Variants in TCIRG1 observed in about 807,000 individuals in gnomAD.
The protein encoded by TCIRG1 is T cell immune regulator 1, ATPase H+ transporting V0 subunit a3.
TCIRG1 carries 86 observed loss-of-function variants against 95.5 expected under a neutral mutation model. The observed-to-expected ratio is 0.90, with a 90% CI of 0.76 to 1.08. The LOEUF is 1.08. TCIRG1 is among the 50% of genes least tolerant of loss of function. TCIRG1 has a pLI of 0.00. For missense variants in TCIRG1, 1,069 were observed against 1,140.2 expected (o/e 0.94, Z 0.90); for synonymous variants, 499 against 501.3 (o/e 1.00, Z 0.06).
chr11:68,040,736 C>T lies in TCIRG1; in HGVS notation c.-4-532C>T, dbSNP rs1411652366. Among the ~76,000 whole-genome samples, 6 of 152,240 alleles carry T rather than the reference C, an allele frequency of 3.9e-5. No individual in the cohort carries two copies. In the East Asian group the frequency reaches 9.6e-4, roughly 24 times the overall value. On this transcript the variant is annotated intron_variant, in intron 1 of 19. Coordinates refer to ENST00000265686, the MANE Select transcript of TCIRG1 (RefSeq NM_006019.4). ...ACACCTGGAAGGCTGCGGCTGCTGC[C>T]GGGCGGCCCGGGCCTCAGGGGACAG...
chr11:68,049,577 C>T (rs1425036393), intron 15 of TCIRG1, 86 bp from the exon 16 acceptor site: 3 of 1,537,954 alleles, frequency 2.0e-6, no homozygotes, highest in Admixed American at 3.8e-5. Context: ...ACCGCAGGCT[C>T]TCTGGGCCCC....
Position 68,050,814 on chromosome 11 carries a change from G to A in TCIRG1, c.2488G>A (p.Asp830Asn). 1.2e-6 allele frequency: 2 copies of A among 1,613,284 alleles called. No homozygotes were observed. Among genetic ancestry groups the A allele is most frequent in the Non-Finnish European group, 1.7e-6 (2 of 1,180,016 alleles). The change falls in exon 20 of 20, where the codon GAC becomes AAC. Residue 830 changes from aspartate (D) to asparagine (N), a missense_variant. Physicochemically the swap from Asp to Asn is conservative, Grantham distance 23. Coordinates refer to ENST00000265686, the MANE Select transcript of TCIRG1 (RefSeq NM_006019.4). ...LSPFTFAATD[D>N] ...TCCCTTCACCTTCGCTGCCACAGAT[G>A]ACTAGGGCCCACTGCAGGTCCTGCC...
rs572050518 is a variant in TCIRG1, at chr11:68,041,630, G to C, written c.118-123G>C. ...TCTGATCTGCGTCTTGTGGCTCCCA[G>C]GGCACTCCACACCTTTCTGGAGGAG... On this transcript the variant is annotated intron_variant, in intron 2 of 19. Coordinates refer to ENST00000265686, the MANE Select transcript of TCIRG1 (RefSeq NM_006019.4). The C allele has an allele frequency of 3.6e-4, 303 of 845,680 alleles. No homozygotes were observed. The African/African-American group carries it at 4.4e-3, about 12-fold the overall frequency. 52.4% of individuals were successfully genotyped at this position (845,680 alleles called of 1,614,324 possible). A position where few individuals can be genotyped will look rare whatever the true frequency, so the allele number is the denominator to read the frequency against.
intron 3 of TCIRG1, among the ~76,000 whole-genome samples, chr11:68,042,365 G>T (rs1855210765): frequency 1.3e-5 from 2 of 152,222 alleles, no homozygotes; most frequent in Non-Finnish European, 2.9e-5. Flanking sequence ...ACTCACGCCA[G>T]CTCCGGTCCC....
downstream of TCIRG1, among the ~76,000 whole-genome samples, chr11:68,051,611 C>G (rs1169765947): frequency 2.0e-5 from 3 of 152,352 alleles, no homozygotes; most frequent in Non-Finnish European, 2.9e-5. Flanking sequence ...TGGGAGGAGC[C>G]TGTCCATTGG....
chr11:68,050,627 G>C lies in TCIRG1; in HGVS notation c.2377G>C (p.Gly793Arg). 1 of 1,613,348 alleles carries C rather than the reference G, an allele frequency of 6.2e-7. No homozygotes were observed. The highest frequency in any genetic ancestry group is 8.5e-7 in the Non-Finnish European group (1 of 1,180,028). The change falls in exon 19 of 20, where the codon GGA (glycine) becomes CGA (arginine). Residue 793 changes from glycine (G) to arginine (R), a missense_variant. Physicochemically the swap from Gly to Arg is moderately radical, Grantham distance 125. Transcript: ENST00000265686. The part of the protein sequence containing the change: ...MTVAILLVME[G>R]LSAFLHALRL... ...CGTGGCTATCCTGCTGGTGATGGAG[G>C]GACTCTCAGCCTTCCTGCACGCCCT...
rs866791308 is a variant in TCIRG1, at chr11:68,039,031, G to C, written c.-93G>C. 2 of 152,134 alleles carry C rather than the reference G, an allele frequency of 1.3e-5. No individual in the cohort carries two copies. The highest frequency in any genetic ancestry group is 2.4e-5 in the African/African-American group (1 of 41,434). 9.4% of individuals were successfully genotyped at this position (152,134 alleles called of 1,614,324 possible). A position where few individuals can be genotyped will look rare whatever the true frequency, so the allele number is the denominator to read the frequency against. ...AAAGGAGTGAGCGGCGCCTAGTCCC[G>C]GGCTGGCGGGAGTGCAGTTCTGAGT... On this transcript the variant is annotated 5_prime_UTR_variant, in exon 1 of 20. Transcript: ENST00000265686.
downstream of TCIRG1, chr11:68,050,973 C>T (rs938480338): frequency 2.5e-5 from 21 of 856,400 alleles, no homozygotes; most frequent in Admixed American, 3.7e-4. Flanking sequence ...GATCTGGGAC[C>T]TCAAAAGTCA....
In TCIRG1 at chr11:68,049,476, A is replaced by T. The variant is rs929992112; in HGVS notation, c.1887+182A>T. 1.7e-5 allele frequency: 17 copies of T among 996,244 alleles called. No individual in the cohort carries two copies. The East Asian group carries it at 4.5e-4, about 26-fold the overall frequency. 61.7% of individuals were successfully genotyped at this position (996,244 alleles called of 1,614,324 possible). A position where few individuals can be genotyped will look rare whatever the true frequency, so the allele number is the denominator to read the frequency against. On this transcript the variant is annotated intron_variant, in intron 15 of 19. Coordinates refer to ENST00000265686, the MANE Select transcript of TCIRG1 (RefSeq NM_006019.4). ...GCAGGTGGCACAACTGGCACTGGGA[A>T]CCGGGGGTCCCTTCCCTCAGGAGTC...
Position 68,042,861 on chromosome 11 carries a change from C to T in TCIRG1, c.415C>T (p.Gln139Ter). ...AAVLRQGHEP[Q>*]LAAAHTDGAS... is the part of the protein sequence containing the mutation. ...CGTGCTACGCCAGGGCCATGAACCT[C>T]AGGTCAGCTCCCACCCAGGCAGGAG... Residue 139 changes from glutamine (Q) to a stop codon, truncating the protein, a stop_gained and splice_region_variant, in exon 4 of 20, where the codon CAG becomes TAG. Coordinates refer to ENST00000265686, the MANE Select transcript of TCIRG1 (RefSeq NM_006019.4). LOFTEE classifies it high-confidence loss of function. 6.5e-7 allele frequency: 1 copy of T among 1,549,676 alleles called. No homozygotes were observed.
intron 15 of TCIRG1, 154 bp downstream of exon 15, chr11:68,049,448 T>C: frequency 5.0e-6 from 5 of 1,002,276 alleles, no homozygotes; most frequent in Non-Finnish European, 7.3e-6. Context: ...GTGTGCATCT[T>C]TAGCAGGTGG....
chr11:68,041,594 CT>C (rs1242255612), intron 2 of TCIRG1, among the ~76,000 whole-genome samples, 158 bp from the exon 3 acceptor site: 5 of 152,180 alleles, frequency 3.3e-5, no homozygotes, highest in Non-Finnish European at 7.4e-5. Context: ...GGCATGGGGT[CT>C]GGTCTGTGCT....
At chr11:68,041,446 G>T in intron 2 of TCIRG1, 58 bp downstream of exon 2, 1 of 1,269,960 alleles carries the variant, frequency 7.9e-7, no homozygotes, top group South Asian at 1.2e-5. Flanking sequence ...CCCGGAGGCC[G>T]GTCCAGGATG....
rs1317790060 is a variant in TCIRG1, at chr11:68,042,809, G to A, written c.363G>A (p.Gln121=). The A allele has an allele frequency of 1.9e-6, 3 of 1,548,564 alleles. No homozygotes were observed. In the Admixed American group the frequency reaches 5.9e-5, roughly 30 times the overall value. ...VRGNQQALRA[Q]LHQLQLHAAV... is the part of the protein sequence containing the mutation. ...GCAACCAGCAGGCCCTGCGGGCCCAGCTGCACCAGCTGCAGCTCCACGCCG... is the reference window on the plus strand; with the variant it reads ...GCAACCAGCAGGCCCTGCGGGCCCAACTGCACCAGCTGCAGCTCCACGCCG... Residue 121 remains glutamine, a synonymous_variant, in exon 4 of 20, where the codon CAG becomes CAA. Coordinates refer to ENST00000265686, the MANE Select transcript of TCIRG1 (RefSeq NM_006019.4).
Position 68,049,682 on chromosome 11 carries a change from T to A in TCIRG1, c.1907T>A (p.Leu636Gln). The A allele has an allele frequency of 6.2e-7, 1 of 1,600,918 alleles. No individual in the cohort carries two copies. The highest frequency in any genetic ancestry group is 8.5e-7 in the Non-Finnish European group (1 of 1,178,834). The change falls in exon 16 of 20, where the codon CTG becomes CAG. Residue 636 changes from leucine (L) to glutamine (Q), a missense_variant. Coordinates refer to ENST00000265686, the MANE Select transcript of TCIRG1 (RefSeq NM_006019.4). ...YPRQEVVQAT[L>Q]VVLALAMVPI... ...TGGCAGGAGGTGGTCCAGGCCACGC[T>A]GGTGGTCCTGGCCTTGGCCATGGTG...
chr11:68,050,214 C>T lies in TCIRG1; in HGVS notation c.2196C>T (p.Ala732=), dbSNP rs1855730348. 2 of 1,613,484 alleles carry T rather than the reference C, an allele frequency of 1.2e-6. No individual in the cohort carries two copies. The highest frequency in any genetic ancestry group is 1.7e-6 in the Non-Finnish European group (2 of 1,179,938). ...GCCTGGGCTGCGTCTCCAACACCGC[C>T]TCCTACCTGCGCCTGTGGGCCCTGA... ...EFCLGCVSNT[A]SYLRLWALSL... is the part of the protein sequence containing the mutation. Residue 732 remains alanine, a synonymous_variant, in exon 18 of 20, where the codon GCC becomes GCT. Coordinates refer to ENST00000265686, the MANE Select transcript of TCIRG1 (RefSeq NM_006019.4).
Position 68,047,763 on chromosome 11 carries a change from G to T in TCIRG1, c.1422G>T (p.Ser474=), listed in dbSNP as rs374365698. The T allele has an allele frequency of 5.6e-6, 9 of 1,613,106 alleles. No individual in the cohort carries two copies. The African/African-American group carries it at 6.7e-5, about 12-fold the overall frequency. ...CFSRATSIFP[S]GWSVAAMANQ... ...GTCGCGCCACCAGCATCTTCCCCTCGGGCTGGAGTGTGGCCGCCATGGCCA... is the reference window on the plus strand; with the variant it reads ...GTCGCGCCACCAGCATCTTCCCCTCTGGCTGGAGTGTGGCCGCCATGGCCA... Residue 474 remains serine, a synonymous_variant, in exon 12 of 20, where the codon TCG becomes TCT. Coordinates refer to ENST00000265686, the MANE Select transcript of TCIRG1 (RefSeq NM_006019.4).
intron 10 of TCIRG1, among the ~76,000 whole-genome samples, chr11:68,045,681 G>A (rs748260259): frequency 1.3e-5 from 2 of 152,014 alleles, no homozygotes; most frequent in African/African-American, 2.4e-5. Context: ...AGCCTCCCAA[G>A]TAGCTGGGAT....
In TCIRG1 at chr11:68,049,300, C is replaced by T; in HGVS notation, c.1887+6C>T. On this transcript the variant is annotated splice_donor_region_variant and intron_variant, in intron 15 of 19. Coordinates refer to ENST00000265686, the MANE Select transcript of TCIRG1 (RefSeq NM_006019.4). Reference sequence around the variant, plus strand: ...GGCTGCTCTACCCCCGGCAGGTGGGCTGCGGCTGGTGGGGGCCGGGCTCAC... The same window carrying T: ...GGCTGCTCTACCCCCGGCAGGTGGGTTGCGGCTGGTGGGGGCCGGGCTCAC... 6.2e-7 allele frequency: 1 copy of T among 1,604,306 alleles called. No homozygotes were observed. The highest frequency in any genetic ancestry group is 8.5e-7 in the Non-Finnish European group (1 of 1,175,126).
Sources: gnomAD v4.1 joint callset for allele counts (sites outside exome capture counted in the v4.1 genomes callset) on GRCh38, gnomAD v4.1.1 for gene constraint, MANE v1.5 for transcripts, NCBI Gene and HGNC (gene_info 2026-07-23, HGNC 2026-07-21) for gene names.